The following PTAR1 variants were observed in gnomAD, a reference collection of about 807,000 sequenced individuals.
The protein encoded by PTAR1 is protein prenyltransferase alpha subunit repeat-containing protein 1.
In PTAR1, 17 loss-of-function variants were observed where a neutral mutation model predicts 45.5. The observed-to-expected ratio is 0.37, with a 90% CI of 0.26 to 0.56. The LOEUF (loss-of-function observed/expected upper bound fraction) is 0.56. Ranked by LOEUF, PTAR1 falls within the 20% of genes least tolerant of loss-of-function variation. The pLI, the probability that PTAR1 is intolerant of heterozygous loss-of-function variation, is 0.77. For synonymous variants in PTAR1, 169 were observed against 171.3 expected (o/e 0.99, Z 0.11); for missense variants, 391 against 476.3 (o/e 0.82, Z 1.67).
intron 6 of PTAR1, among the ~76,000 whole-genome samples, chr9:69,720,183 A>G (rs1032482071): frequency 6.6e-6 from 1 of 152,360 alleles, no homozygotes; most frequent in Non-Finnish European, 1.5e-5. Flanking sequence ...CTCTTGTGCC[A>G]GTTAGCCAAG....
At chr9:69,732,373 A>G (rs756283243) in intron 4 of PTAR1, 21 bp from the exon 5 acceptor site, 2 of 1,529,096 alleles carry the variant, frequency 1.3e-6, no homozygotes, top group South Asian at 2.2e-5. Flanking sequence ...AGCATGTGGG[A>G]AAGAGAACAC....
At chr9:69,758,698 T>G (rs1265863715) in intron 1 of PTAR1, 2 of 414,522 alleles carry the variant, frequency 4.8e-6, no homozygotes, top group Non-Finnish European at 1.0e-5. Context: ...TGTTTTACAA[T>G]CATCACCTTG....
intron 1 of PTAR1, among the ~76,000 whole-genome samples, chr9:69,753,034 A>C (rs1826601117): frequency 6.6e-6 from 1 of 152,158 alleles, no homozygotes; most frequent in Non-Finnish European, 1.5e-5. Context: ...GAGATATAAT[A>C]ACCTACTTAC....
chr9:69,759,562 T>G (rs1826982036), intron 1 of PTAR1, among the ~76,000 whole-genome samples: 2 of 152,196 alleles, frequency 1.3e-5, no homozygotes, highest in Non-Finnish European at 2.9e-5. Flanking sequence ...GGGGGACGTC[T>G]CTGGAGTTTC....
At chr9:69,734,853 T>C (rs756443511) in intron 3 of PTAR1, among the ~76,000 whole-genome samples, 10 of 152,216 alleles carry the variant, frequency 6.6e-5, no homozygotes, top group Non-Finnish European at 1.5e-4. Context: ...CTGCTCTCAT[T>C]ATATCTTAAG....
rs1284212340 is a variant in PTAR1 at position 69,759,841 on chromosome 9, C to T, written c.86+12G>A. The T allele has an allele frequency of 6.6e-7, 1 of 1,515,836 alleles. No homozygotes were observed. Among genetic ancestry groups the T allele is most frequent in the Non-Finnish European group, 8.8e-7 (1 of 1,131,048 alleles). The allele number at this position is 1,515,836 out of a possible 1,614,324, so 93.9% of individuals were successfully genotyped here. ...CGACGACCCTCGGAGGCGGCGGAGGCGCGCGACTCACATGTGTGGGTTCCT... is the reference window on the plus strand; with the variant it reads ...CGACGACCCTCGGAGGCGGCGGAGGTGCGCGACTCACATGTGTGGGTTCCT... On this transcript the variant is annotated intron_variant, in intron 1 of 7. Transcript: ENST00000340434.
At chr9:69,750,437 A>G (rs1826474214) in intron 2 of PTAR1, among the ~76,000 whole-genome samples, 1 of 152,060 alleles carries the variant, frequency 6.6e-6, no homozygotes, top group South Asian at 2.1e-4. Flanking sequence ...GACTGAGCCT[A>G]TAGGGACTAG....
intron 5 of PTAR1, among the ~76,000 whole-genome samples, chr9:69,728,026 A>G (rs1459031420): frequency 2.0e-5 from 3 of 152,138 alleles, no homozygotes; most frequent in African/African-American, 7.2e-5. Context: ...TATTCTGAAC[A>G]TGTTATATAA....
chr9:69,725,569 G>A (rs777588748), intron 5 of PTAR1, among the ~76,000 whole-genome samples: 5 of 148,950 alleles, frequency 3.4e-5, no homozygotes, highest in African/African-American at 9.9e-5. Context: ...CAGCCTGGGC[G>A]ACAAAACAAG....
chr9:69,758,965 G>GGTACATTGTT (rs1323033923), intron 1 of PTAR1, among the ~76,000 whole-genome samples: 1 of 151,924 alleles, frequency 6.6e-6, no homozygotes, highest in Non-Finnish European at 1.5e-5. Context: ...TGGGAAAGGA[G>GGTACATTGTT]GTACATTGTT....
Position 69,759,933 on chromosome 9 carries a change from G to T in PTAR1, c.6C>A (p.Ala2=). Residue 2 remains alanine (A), a synonymous_variant, in exon 1 of 8, where the codon GCC becomes GCA. Transcript: ENST00000340434. M[A]ETSEEVAVLV... ...GCACCGCCACCTCCTCGCTGGTCTCGGCCATGTTGGCGGCGGCCGCGACAG... is the reference window on the plus strand; with the variant it reads ...GCACCGCCACCTCCTCGCTGGTCTCTGCCATGTTGGCGGCGGCCGCGACAG... 1 of 1,505,406 alleles carries T rather than the reference G, an allele frequency of 6.6e-7. No individual in the cohort carries two copies. Among genetic ancestry groups the T allele is most frequent in the Admixed American group, 2.2e-5 (1 of 45,102 alleles). The allele number at this position is 1,505,406 out of a possible 1,614,324, so 93.3% of individuals were successfully genotyped here.
chr9:69,719,850 C>T (rs566814384), intron 6 of PTAR1, among the ~76,000 whole-genome samples: 29 of 152,182 alleles, frequency 1.9e-4, no homozygotes, highest in African/African-American at 5.5e-4. Context: ...CTGTGATCAG[C>T]GATCTTTGAT....
chr9:69,740,209 G>GTGTA (rs1233889322), intron 3 of PTAR1, among the ~76,000 whole-genome samples: 1 of 152,060 alleles, frequency 6.6e-6, no homozygotes, highest in Non-Finnish European at 1.5e-5. Context: ...AGGTGTGTGT[G>GTGTA]TGTATGTATG....
Position 69,714,933 on chromosome 9 carries a change from A to G in PTAR1, c.*3409T>C, listed in dbSNP as rs1445521831. ...AGTCACAGTTCAAGTTGCGGGGAAA[A>G]AAGGAGAAGCATAAAATGATATGTG... On this transcript the variant is annotated 3_prime_UTR_variant, in exon 8 of 8. Coordinates refer to ENST00000340434, the MANE Select transcript of PTAR1 (RefSeq NM_001099666.2). 6.6e-6 allele frequency: 1 copy of G among 151,960 alleles called. No individual in the cohort carries two copies. Among genetic ancestry groups the G allele is most frequent in the Admixed American group, 6.6e-5 (1 of 15,224 alleles). The allele number at this position is 151,960 out of a possible 1,614,324, so 9.4% of individuals were successfully genotyped here.
intron 7 of PTAR1, 26 bp downstream of exon 7, chr9:69,718,624 C>A (rs113867211): frequency 1.2e-6 from 2 of 1,610,838 alleles, no homozygotes; most frequent in Admixed American, 1.7e-5. Flanking sequence ...CAGGTGACAA[C>A]TGGGTCATGC....
intron 2 of PTAR1, among the ~76,000 whole-genome samples, chr9:69,749,071 T>C (rs1826406196): frequency 1.3e-5 from 2 of 152,116 alleles, no homozygotes; most frequent in African/African-American, 2.4e-5. Context: ...AACCATTTAA[T>C]ATTCCGCAAG....
At chr9:69,759,680 CCGGGCCAGCGG>C (rs1456202706) in intron 1 of PTAR1, among the ~76,000 whole-genome samples, 162 bp downstream of exon 1, 1 of 152,166 alleles carries the variant, frequency 6.6e-6, no homozygotes, top group Admixed American at 6.5e-5. Flanking sequence ...TAGCGGAAAG[CCGGGCCAGCGG>C]CGGCCGACAA....
At chr9:69,750,722 C>T in intron 2 of PTAR1, 59 bp downstream of exon 2, 9 of 1,250,152 alleles carry the variant, frequency 7.2e-6, no homozygotes, top group South Asian at 6.1e-5. Context: ...AAGGGCTCTT[C>T]CTACTATATT....
Position 69,718,254 on chromosome 9 carries a change from A to G in PTAR1, c.*88T>C, listed in dbSNP as rs926853811. 12 of 877,624 alleles carry G rather than the reference A, an allele frequency of 1.4e-5. No individual in the cohort carries two copies. In the East Asian group the frequency reaches 2.6e-4, roughly 19 times the overall value. The allele number at this position is 877,624 out of a possible 1,614,324, so 54.4% of individuals were successfully genotyped here. ...ACGAAGAACATATGGTTAGCCAATAATAGTAAACAGTTCATGCAACTATGT... is the reference window on the plus strand; with the variant it reads ...ACGAAGAACATATGGTTAGCCAATAGTAGTAAACAGTTCATGCAACTATGT... On this transcript the variant is annotated 3_prime_UTR_variant, in exon 8 of 8. Transcript: ENST00000340434.
Sources: gnomAD v4.1 joint callset for allele counts (sites outside exome capture counted in the v4.1 genomes callset) on GRCh38, gnomAD v4.1.1 for gene constraint, MANE v1.5 for transcripts, NCBI Gene and HGNC (gene_info 2026-07-23, HGNC 2026-07-21) for gene names.